The following PDE3A variants were observed in gnomAD, a reference collection of about 807,000 sequenced individuals.
PDE3A encodes cGMP-inhibited 3',5'-cyclic phosphodiesterase 3A.
A neutral mutation model predicts 98.3 loss-of-function variants in PDE3A; 43 were observed. The ratio of observed to expected loss-of-function variants is 0.44; its 90% CI spans 0.34 to 0.56. PDE3A has a LOEUF of 0.56. Ranked by LOEUF, PDE3A falls within the 20% of genes least tolerant of loss-of-function variation. PDE3A has a pLI of 0.01. For synonymous variants in PDE3A, 663 were observed against 567.9 expected, an observed-to-expected ratio of 1.17 and a Z score of -2.38; for missense variants, 1,427 against 1,440.7, an observed-to-expected ratio of 0.99 and a Z score of 0.15.
At chr12:20,570,708 T>C (rs1592067738) in intron 2 of PDE3A, among the ~76,000 whole-genome samples, 2 of 152,288 alleles carry the variant, frequency 1.3e-5, no homozygotes, top group African/African-American at 2.4e-5. Flanking sequence ...CAGACCAAGA[T>C]ATGAAAATCT....
intron 1 of PDE3A, among the ~76,000 whole-genome samples, chr12:20,387,072 C>G (rs1345778371): frequency 6.6e-6 from 1 of 151,972 alleles, no homozygotes; most frequent in Non-Finnish European, 1.5e-5. Context: ...TGTTGAAGAT[C>G]AGATGGTTGT....
intron 15 of PDE3A, among the ~76,000 whole-genome samples, chr12:20,668,351 C>T (rs1251187190): frequency 2.0e-5 from 3 of 152,304 alleles, no homozygotes; most frequent in South Asian, 4.1e-4. Flanking sequence ...CCCACCACAG[C>T]TCAAGGAGGC....
rs368007366 is a variant in PDE3A at position 20,648,790 on chromosome 12, G to A, written c.2668G>A (p.Asp890Asn). The change falls in exon 13 of 16, where the codon GAC becomes AAC. Residue 890 changes from aspartate to asparagine, a missense_variant. Physicochemically the swap from Asp to Asn is conservative, Grantham distance 23. Coordinates refer to ENST00000359062, the MANE Select transcript of PDE3A (RefSeq NM_000921.5). ...RPEYNFLINL[D>N]HVEFKHFRFL... ...AGAGTATAACTTCTTAATTAACCTT[G>A]ACCATGTGGAATTTAAGCATTTCCG... 14 of 1,613,018 alleles carry A rather than the reference G, an allele frequency of 8.7e-6. No individual in the cohort carries two copies. Among genetic ancestry groups the A allele is most frequent in the African/African-American group, 1.3e-5 (1 of 74,870 alleles).
At chr12:20,646,644 G>A (rs1944783570) in intron 11 of PDE3A, 41 bp downstream of exon 11, 1 of 1,389,544 alleles carries the variant, frequency 7.2e-7, no homozygotes, top group African/African-American at 1.4e-5. Flanking sequence ...TGAAAGATGG[G>A]AACAAGGGTG....
At chr12:20,592,263 A>G (rs2121380089) in intron 2 of PDE3A, among the ~76,000 whole-genome samples, 1 of 152,312 alleles carries the variant, frequency 6.6e-6, no homozygotes, top group South Asian at 2.1e-4. Context: ...CAGTGTACTA[A>G]TTACAGTGGA....
chr12:20,406,077 T>C (rs993485892), intron 1 of PDE3A, among the ~76,000 whole-genome samples: 3 of 152,332 alleles, frequency 2.0e-5, no homozygotes, highest in East Asian at 1.9e-4. Context: ...TAGTATTTCA[T>C]TGTGTATGCA....
chr12:20,589,327 T>C (rs1025716359), intron 2 of PDE3A, among the ~76,000 whole-genome samples: 28 of 152,340 alleles, frequency 1.8e-4, no homozygotes, highest in African/African-American at 6.5e-4. Context: ...AAAGTATTTA[T>C]ACCAGAAACA....
chr12:20,423,392 T>C (rs1944552149), intron 1 of PDE3A, among the ~76,000 whole-genome samples: 1 of 152,204 alleles, frequency 6.6e-6, no homozygotes, highest in Admixed American at 6.6e-5. Context: ...CTGTTTTAGT[T>C]GACTTCTTTC....
At position 20,369,642 on chromosome 12, in the gene PDE3A, C is replaced by T. The variant is rs1467678140; in HGVS notation, c.358C>T (p.Pro120Ser). The T allele has an allele frequency of 6.3e-7, 1 of 1,596,544 alleles. No individual in the cohort carries two copies. Among genetic ancestry groups the T allele is most frequent in the Non-Finnish European group, 8.5e-7 (1 of 1,172,328 alleles). Residue 120 changes from proline (P) to serine (S), a missense_variant, in exon 1 of 16, where the codon CCC becomes TCC. Pro to Ser is a moderately conservative substitution (Grantham distance 74). This residue lies in a region of PDE3A where 1,012 missense variants were observed against 886.5 expected (regional missense o/e 1.14). Transcript: ENST00000359062. ...CTTCCCGGGGCCTCGGGGAGGTGCT[C>T]CCGGGGGCGGTGCGCGGCTCAGCCC... The part of the protein sequence containing the change: ...GVFPGPRGGA[P>S]GGGARLSPWL...
chr12:20,608,368 T>TGATA (rs1230923276), intron 2 of PDE3A, among the ~76,000 whole-genome samples: 1 of 121,856 alleles, frequency 8.2e-6, no homozygotes, highest in Non-Finnish European at 1.8e-5. Flanking sequence ...CCTGACTTAA[T>TGATA]GATACTAAGG....
intron 1 of PDE3A, among the ~76,000 whole-genome samples, chr12:20,495,583 T>G (rs1452042942): frequency 6.6e-6 from 1 of 152,208 alleles, no homozygotes; most frequent in Non-Finnish European, 1.5e-5. Context: ...TGCCAATTTT[T>G]TTCTATGGCT....
chr12:20,679,009 C>A (rs957527494), intron 15 of PDE3A, among the ~76,000 whole-genome samples: 1 of 151,998 alleles, frequency 6.6e-6, no homozygotes, highest in Non-Finnish European at 1.5e-5. Context: ...AGTATATACT[C>A]TAGGAGGTAC....
intron 1 of PDE3A, among the ~76,000 whole-genome samples, chr12:20,550,373 A>G (rs747133110): frequency 8.7e-4 from 133 of 152,264 alleles, no homozygotes; most frequent in Non-Finnish European, 1.5e-3. Flanking sequence ...TAATGAGCTC[A>G]TCTTCCTATT....
intron 1 of PDE3A, among the ~76,000 whole-genome samples, chr12:20,405,408 T>A (rs1163901288): frequency 1.3e-5 from 2 of 152,146 alleles, no homozygotes; most frequent in African/African-American, 4.8e-5. Flanking sequence ...CCTGTTCATC[T>A]TTCATTCCCC....
chr12:20,421,253 A>G (rs1944507004), intron 1 of PDE3A, among the ~76,000 whole-genome samples: 1 of 151,936 alleles, frequency 6.6e-6, no homozygotes, highest in Non-Finnish European at 1.5e-5. Flanking sequence ...TCAAAAGTGG[A>G]TTTTTCTGCC....
At chr12:20,628,826 T>C (rs1436856758) in intron 5 of PDE3A, among the ~76,000 whole-genome samples, 1 of 152,194 alleles carries the variant, frequency 6.6e-6, no homozygotes, top group East Asian at 1.9e-4. Context: ...CTTAATATTC[T>C]TTTCAGTGGA....
chr12:20,649,407 G>C (rs1291883039), intron 13 of PDE3A, among the ~76,000 whole-genome samples: 2 of 152,140 alleles, frequency 1.3e-5, no homozygotes, highest in Admixed American at 6.5e-5. Flanking sequence ...AAGCTGAGAT[G>C]CTGTCTCTAT....
At chr12:20,448,757 T>TC (rs1044487914) in intron 1 of PDE3A, among the ~76,000 whole-genome samples, 6 of 149,868 alleles carry the variant, frequency 4.0e-5, no homozygotes, top group African/African-American at 1.5e-4. Flanking sequence ...TTAAGGTTTT[T>TC]TTTTTTTTTT....
chr12:20,497,100 C>T (rs1945934189), intron 1 of PDE3A, among the ~76,000 whole-genome samples: 1 of 152,060 alleles, frequency 6.6e-6, no homozygotes, highest in Non-Finnish European at 1.5e-5. Flanking sequence ...TCTCAAAAAG[C>T]CAGTCAAATC....
Sources: allele counts gnomAD v4.1 joint callset (sites outside exome capture counted in the v4.1 genomes callset), GRCh38; gene constraint gnomAD v4.1.1; regional missense constraint gnomAD v4.1.1; transcripts MANE v1.5; gene names NCBI Gene and HGNC (gene_info 2026-07-23, HGNC 2026-07-21).